Variants in LMO7 observed in about 807,000 individuals in gnomAD.
The protein encoded by LMO7 is LIM domain 7, also known as LIM domain only protein 7.
In LMO7, 120 loss-of-function variants were observed where a neutral mutation model predicts 206.5. The observed-to-expected ratio is 0.58, with a 90% confidence interval of 0.50 to 0.68. The LOEUF (loss-of-function observed/expected upper bound fraction) is 0.68, where lower values mean the gene tolerates loss of function less well. Among genes scored for constraint, LMO7 ranks in the 30% least tolerant of loss-of-function variants. LMO7 has a pLI of 0.00. For synonymous variants in LMO7, 706 were observed against 681.5 expected (o/e 1.04, Z -0.56); for missense variants, 1,959 against 1,957.9 (o/e 1.00, Z -0.01).
chr13:75,820,448 A>G (rs2057517050), intron 13 of LMO7, among the ~76,000 whole-genome samples: 1 of 152,230 alleles, frequency 6.6e-6, no homozygotes, highest in African/African-American at 2.4e-5. Context: ...GCAGGAAGAA[A>G]ATCCTCACAA....
intron 1 of LMO7, among the ~76,000 whole-genome samples, chr13:75,706,659 A>G (rs531678582): frequency 1.3e-4 from 20 of 152,294 alleles, no homozygotes; most frequent in African/African-American, 4.6e-4. Flanking sequence ...AATTGGATGA[A>G]AAGATTAACT....
At chr13:75,711,436 T>G (rs1261372623) in intron 1 of LMO7, among the ~76,000 whole-genome samples, 2 of 152,220 alleles carry the variant, frequency 1.3e-5, no homozygotes, top group Admixed American at 6.5e-5. Context: ...TCCTGGACTT[T>G]TTTTGGTTGG....
At chr13:75,856,186 T>TG (rs1014478908) in intron 29 of LMO7, among the ~76,000 whole-genome samples, 6 of 152,144 alleles carry the variant, frequency 3.9e-5, no homozygotes, top group Non-Finnish European at 5.9e-5. Flanking sequence ...ACTTCTTTCA[T>TG]GGGGGGCCTT....
chr13:75,733,233 A>C (rs1014443633), intron 3 of LMO7, among the ~76,000 whole-genome samples: 4 of 152,216 alleles, frequency 2.6e-5, no homozygotes, highest in Non-Finnish European at 5.9e-5. Context: ...CCAGAGGTGG[A>C]GCCTACAGAG....
At chr13:75,737,763 A>AAAAG (rs2045985507) in intron 3 of LMO7, among the ~76,000 whole-genome samples, 1 of 26,274 alleles carries the variant, frequency 3.8e-5, no homozygotes, top group Non-Finnish European at 6.9e-5. Flanking sequence ...AAAAAAAAAA[A>AAAAG]AAATAAAATA....
At chr13:75,714,389 G>A (rs970747437) in intron 2 of LMO7, among the ~76,000 whole-genome samples, 1 of 152,154 alleles carries the variant, frequency 6.6e-6, no homozygotes, top group African/African-American at 2.4e-5. Context: ...ATATATACAA[G>A]TTGTTGCTAG....
At chr13:75,828,559 A>G (rs1217096044) in intron 15 of LMO7, among the ~76,000 whole-genome samples, 1 of 152,220 alleles carries the variant, frequency 6.6e-6, no homozygotes, top group African/African-American at 2.4e-5. Flanking sequence ...AGGTGGTATT[A>G]TATGTTTATT....
At chr13:75,638,801 A>G (rs549276660) in intron 1 of LMO7, among the ~76,000 whole-genome samples, 1 of 152,274 alleles carries the variant, frequency 6.6e-6, no homozygotes, top group South Asian at 2.1e-4. Context: ...CAAAAGAAGC[A>G]GGATGAATGA....
intron 27 of LMO7, among the ~76,000 whole-genome samples, chr13:75,850,631 G>A (rs1489929227): frequency 1.3e-5 from 2 of 152,160 alleles, no homozygotes; most frequent in Non-Finnish European, 2.9e-5. Flanking sequence ...AGTTAAGACA[G>A]TAACTCACAA....
At chr13:75,829,478 C>T (rs1255075830) in intron 15 of LMO7, among the ~76,000 whole-genome samples, 2 of 152,088 alleles carry the variant, frequency 1.3e-5, no homozygotes, top group African/African-American at 4.8e-5. Context: ...GGGCTACTCA[C>T]TTCATTTTCT....
At chr13:75,824,397 G>T (rs146688823) in intron 15 of LMO7, among the ~76,000 whole-genome samples, 1 of 151,972 alleles carries the variant, frequency 6.6e-6, no homozygotes, top group Non-Finnish European at 1.5e-5. Flanking sequence ...TATAATTTTC[G>T]ATGGTCCCTT....
upstream of LMO7, chr13:75,636,305 G>C (rs2035837974): frequency 1.4e-5 from 15 of 1,086,312 alleles, no homozygotes; most frequent in Non-Finnish European, 1.7e-5. Context: ...GGAGGACGGC[G>C]GCGGCGCTGC....
chr13:75,658,017 T>C (rs1031336480), intron 1 of LMO7, among the ~76,000 whole-genome samples: 1 of 152,044 alleles, frequency 6.6e-6, no homozygotes, highest in African/African-American at 2.4e-5. Flanking sequence ...TATGTTTGTG[T>C]GAGGTATGAG....
intron 1 of LMO7, among the ~76,000 whole-genome samples, chr13:75,668,990 G>C (rs2139355226): frequency 6.6e-6 from 1 of 152,312 alleles, no homozygotes; most frequent in East Asian, 1.9e-4. Context: ...CTGAGATCAT[G>C]AGAGTAGATG....
chr13:75,682,890 T>C (rs1438423504), intron 1 of LMO7, among the ~76,000 whole-genome samples: 2 of 152,186 alleles, frequency 1.3e-5, no homozygotes, highest in Non-Finnish European at 2.9e-5. Context: ...ACTATTGACA[T>C]TGAGCATATT....
intron 2 of LMO7, among the ~76,000 whole-genome samples, chr13:75,725,272 A>G (rs903113403): frequency 1.3e-5 from 2 of 152,134 alleles, no homozygotes; most frequent in African/African-American, 2.4e-5. Context: ...GCAGAAATTT[A>G]TGATACTCTT....
intron 11 of LMO7, among the ~76,000 whole-genome samples, chr13:75,816,405 A>T (rs2056997268): frequency 6.6e-6 from 1 of 152,168 alleles, no homozygotes; most frequent in Non-Finnish European, 1.5e-5. Flanking sequence ...CCTCTGGTAT[A>T]GTTTACCTGG....
chr13:75,660,911 C>T (rs1290263266), intron 1 of LMO7, among the ~76,000 whole-genome samples: 2 of 152,120 alleles, frequency 1.3e-5, no homozygotes, highest in African/African-American at 4.8e-5. Context: ...TGACTGATAA[C>T]AGATACTTTG....
chr13:75,823,962 G>A, intron 15 of LMO7, 89 bp downstream of exon 15: 2 of 1,055,916 alleles, frequency 1.9e-6, no homozygotes, highest in Non-Finnish European at 2.8e-6. Flanking sequence ...AAACCTCTAG[G>A]TGTTAATCTG....
Sources: allele counts gnomAD v4.1 joint callset (sites outside exome capture counted in the v4.1 genomes callset), GRCh38; gene constraint gnomAD v4.1.1; transcripts MANE v1.5; gene names NCBI Gene and HGNC (gene_info 2026-07-23, HGNC 2026-07-21).